The following CACNA2D3 variants were observed in gnomAD, a reference collection of about 807,000 sequenced individuals.
CACNA2D3 encodes voltage-dependent calcium channel subunit alpha-2/delta-3.
A neutral mutation model predicts 160.6 loss-of-function variants in CACNA2D3; 60 were observed. The observed-to-expected ratio is 0.37, with a 90% CI of 0.30 to 0.46. The LOEUF is 0.46. Among genes scored for constraint, CACNA2D3 ranks in the 20% least tolerant of loss-of-function variants. The pLI, the probability that CACNA2D3 is intolerant of heterozygous loss-of-function variation, is 1.00. For synonymous variants in CACNA2D3, 558 were observed against 492.9 expected (o/e 1.13, Z -1.75); for missense variants, 1,205 against 1,365.0 (o/e 0.88, Z 1.85).
chr3:54,409,287 T>C lies in CACNA2D3; in HGVS notation c.381+22513T>C, dbSNP rs1575439748. 2.0e-5 allele frequency among the ~76,000 whole-genome samples: 3 copies of C among 152,188 alleles called. No homozygotes were observed. In the East Asian group the frequency reaches 5.8e-4, roughly 29 times the overall value. On this transcript the variant is annotated intron_variant, in intron 4 of 37. Transcript: ENST00000474759. ...TATGGTAATCTGTGATCAGTGATCT[T>C]TGGACGTTACTATTGTAATTATTTT...
intron 27 of CACNA2D3, among the ~76,000 whole-genome samples, chr3:54,930,049 A>G (rs893657225): frequency 2.0e-5 from 3 of 152,208 alleles, no homozygotes; most frequent in Non-Finnish European, 2.9e-5. Context: ...CATTGCAATT[A>G]TTGGACTCTG....
At chr3:54,245,388 C>A (rs532440105) in intron 2 of CACNA2D3, among the ~76,000 whole-genome samples, 1 of 151,984 alleles carries the variant, frequency 6.6e-6, no homozygotes, top group Non-Finnish European at 1.5e-5. Context: ...GGGGGACCCC[C>A]TGCCTGGACC....
intron 11 of CACNA2D3, among the ~76,000 whole-genome samples, chr3:54,688,877 G>A (rs1424269912): frequency 1.3e-5 from 2 of 149,694 alleles, no homozygotes; most frequent in African/African-American, 2.5e-5. Flanking sequence ...AGCTACTCAG[G>A]AGGCTGAGGC....
intron 4 of CACNA2D3, among the ~76,000 whole-genome samples, chr3:54,389,060 G>A (rs530387376): frequency 3.9e-5 from 6 of 152,234 alleles, no homozygotes; most frequent in African/African-American, 1.2e-4. Context: ...GTCCCAGCAC[G>A]TTGGGAGGCC....
intron 11 of CACNA2D3, among the ~76,000 whole-genome samples, chr3:54,699,794 A>G (rs914338600): frequency 3.4e-4 from 52 of 152,266 alleles, no homozygotes; most frequent in African/African-American, 1.2e-3. Context: ...GATTAAATGG[A>G]AAGTACTTAA....
chr3:54,782,392 C>G (rs1702553080), intron 13 of CACNA2D3, among the ~76,000 whole-genome samples: 1 of 152,090 alleles, frequency 6.6e-6, no homozygotes, highest in African/African-American at 2.4e-5. Flanking sequence ...TATTGTTTAG[C>G]ACTATGCCAC....
intron 2 of CACNA2D3, among the ~76,000 whole-genome samples, chr3:54,157,125 C>T (rs1700258100): frequency 6.6e-6 from 1 of 152,184 alleles, no homozygotes; most frequent in Admixed American, 6.5e-5. Context: ...TCTTTCTGGC[C>T]TGCAGACAGC....
At chr3:54,736,007 GTATATATATACACATACA>G (rs1701496300) in intron 11 of CACNA2D3, among the ~76,000 whole-genome samples, 2 of 90,940 alleles carry the variant, frequency 2.2e-5, no homozygotes, top group African/African-American at 9.6e-5. Flanking sequence ...ATATATATAT[GTATATATATACACATACA>G]TATATATATG....
intron 9 of CACNA2D3, among the ~76,000 whole-genome samples, chr3:54,604,605 C>G (rs1005376990): frequency 3.3e-5 from 5 of 152,138 alleles, no homozygotes; most frequent in Admixed American, 3.3e-4. Context: ...CAGTAGCTAG[C>G]AAGTCCTGTC....
intron 2 of CACNA2D3, among the ~76,000 whole-genome samples, chr3:54,275,899 A>G (rs1410863391): frequency 6.6e-6 from 1 of 152,138 alleles, no homozygotes; most frequent in Non-Finnish European, 1.5e-5. Context: ...AAGTGCTGGG[A>G]CTACAGGTGT....
intron 27 of CACNA2D3, among the ~76,000 whole-genome samples, chr3:54,944,635 A>G (rs2106995787): frequency 6.6e-6 from 1 of 152,056 alleles, no homozygotes. Context: ...GTTAGCCAGG[A>G]TGGTCTCGAA....
intron 13 of CACNA2D3, among the ~76,000 whole-genome samples, chr3:54,778,427 G>A (rs1478810200): frequency 6.6e-6 from 1 of 151,778 alleles, no homozygotes; most frequent in Non-Finnish European, 1.5e-5. Context: ...TCTGCAGGAA[G>A]TGATCTCTTC....
Position 54,518,181 on chromosome 3 carries a change from G to A in CACNA2D3, c.544+14527G>A, listed in dbSNP as rs144096236. Reference sequence around the variant, plus strand: ...GCTGAGACTAACACTGTGTGTCAGCGTGGTTACGAGTGGTGGTTGGGGTCC... The same window carrying A: ...GCTGAGACTAACACTGTGTGTCAGCATGGTTACGAGTGGTGGTTGGGGTCC... On this transcript the variant is annotated intron_variant, in intron 5 of 37. Transcript: ENST00000474759. 1.4e-3 allele frequency among the ~76,000 whole-genome samples: 213 copies of A among 152,238 alleles called. 7 individuals are homozygous for A. In the East Asian group the frequency reaches 0.034, roughly 24 times the overall value.
Position 54,958,235 on chromosome 3 carries a change from T to G in CACNA2D3, c.2450-10215T>G, listed in dbSNP as rs72877970. Among the ~76,000 whole-genome samples, 209 of 152,294 alleles carry G rather than the reference T, an allele frequency of 1.4e-3. 2 individuals carry two copies. Among genetic ancestry groups the G allele is most frequent in the African/African-American group, 4.8e-3 (200 of 41,580 alleles). ...TGCTGACAAGAAAACCAGCAGAATA[T>G]TCCATGTATCGGATGGGTGTGGTGG... On this transcript the variant is annotated intron_variant, in intron 27 of 37. Coordinates refer to ENST00000474759, the MANE Select transcript of CACNA2D3 (RefSeq NM_018398.3).
intron 2 of CACNA2D3, among the ~76,000 whole-genome samples, chr3:54,294,751 TAA>T (rs1320684303): frequency 6.6e-6 from 1 of 151,942 alleles, no homozygotes; most frequent in African/African-American, 2.4e-5. Flanking sequence ...GGAAAAAAAA[TAA>T]AGAGATAGAG....
intron 11 of CACNA2D3, among the ~76,000 whole-genome samples, chr3:54,657,258 A>G (rs940313582): frequency 2.0e-5 from 3 of 152,200 alleles, no homozygotes; most frequent in African/African-American, 4.8e-5. Flanking sequence ...TGCAGGTCAC[A>G]GGGGATATGA....
chr3:54,942,493 C>T (rs1009410844), intron 27 of CACNA2D3, among the ~76,000 whole-genome samples: 2 of 152,208 alleles, frequency 1.3e-5, no homozygotes, highest in African/African-American at 2.4e-5. Context: ...TTATATGCTC[C>T]TCTTAATGCA....
intron 4 of CACNA2D3, among the ~76,000 whole-genome samples, chr3:54,472,165 C>G (rs752130029): frequency 3.9e-5 from 6 of 152,118 alleles, no homozygotes; most frequent in Non-Finnish European, 8.8e-5. Context: ...ACTGGCAAAC[C>G]AAATCCAGCA....
At chr3:54,903,300 T>A (rs1700381458) in intron 27 of CACNA2D3, among the ~76,000 whole-genome samples, 1 of 152,220 alleles carries the variant, frequency 6.6e-6, no homozygotes, top group African/African-American at 2.4e-5. Flanking sequence ...AGTGAGAACA[T>A]GCGGTATTTG....
Sources: gnomAD v4.1 joint callset for allele counts (sites outside exome capture counted in the v4.1 genomes callset) on GRCh38, gnomAD v4.1.1 for gene constraint, MANE v1.5 for transcripts, NCBI Gene and HGNC (gene_info 2026-07-23, HGNC 2026-07-21) for gene names.